UVRAG: variants seen among roughly 807,000 people sequenced by gnomAD.
UVRAG encodes UV radiation resistance-associated gene protein.
Under a neutral mutation model 78.0 loss-of-function variants are expected in UVRAG, and 19 were observed. The ratio of observed to expected loss-of-function variants is 0.24; its 90% CI spans 0.17 to 0.36. The LOEUF is 0.36. Among genes scored for constraint, UVRAG ranks in the 10% least tolerant of loss-of-function variants. The pLI is 1.00. For synonymous variants in UVRAG, 323 were observed against 324.6 expected, an observed-to-expected ratio of 1.00 and a Z score of 0.05; for missense variants, 740 against 853.8, an observed-to-expected ratio of 0.87 and a Z score of 1.66.
intron 11 of UVRAG, among the ~76,000 whole-genome samples, chr11:76,009,196 G>A (rs7111495): frequency 0.093 from 14,070 of 152,068 alleles, 1,455 homozygotes; most frequent in African/African-American, 0.26. Flanking sequence ...GTATGGTTGG[G>A]AGCAGAGGAA....
intron 3 of UVRAG, among the ~76,000 whole-genome samples, chr11:75,878,102 G>C (rs1946846536): frequency 6.6e-6 from 1 of 150,440 alleles, no homozygotes; most frequent in Non-Finnish European, 1.5e-5. Context: ...TCACTTCTCA[G>C]ATGGGGCGGT....
intron 3 of UVRAG, among the ~76,000 whole-genome samples, chr11:75,865,618 C>CTT (rs1255366200): frequency 2.8e-5 from 4 of 144,238 alleles, no homozygotes; most frequent in African/African-American, 5.1e-5. Context: ...GAAAAGCTTT[C>CTT]TTTTTTTTTT....
chr11:75,975,166 A>G (rs1038078941), intron 7 of UVRAG, among the ~76,000 whole-genome samples: 1 of 152,190 alleles, frequency 6.6e-6, no homozygotes, highest in African/African-American at 2.4e-5. Context: ...GTCAAAGATC[A>G]GATGGTTGTA....
chr11:75,920,007 G>GGT (rs1947940239), intron 6 of UVRAG, among the ~76,000 whole-genome samples: 1 of 72,730 alleles, frequency 1.4e-5, no homozygotes, highest in Non-Finnish European at 2.9e-5. Flanking sequence ...AAATAATTTT[G>GGT]GTTTTTTTTT....
intron 7 of UVRAG, among the ~76,000 whole-genome samples, chr11:75,971,332 G>A (rs758029235): frequency 4.6e-5 from 7 of 152,158 alleles, no homozygotes; most frequent in Non-Finnish European, 8.8e-5. Context: ...TTGTGTAAAC[G>A]TAAGTTTTCA....
At chr11:76,092,779 G>A (rs889357541) in intron 13 of UVRAG, among the ~76,000 whole-genome samples, 1 of 152,110 alleles carries the variant, frequency 6.6e-6, no homozygotes, top group Non-Finnish European at 1.5e-5. Context: ...CTCCCATTCT[G>A]TAGGTCACCT....
At chr11:76,004,998 A>T (rs778466513) in intron 9 of UVRAG, among the ~76,000 whole-genome samples, 1 of 151,982 alleles carries the variant, frequency 6.6e-6, no homozygotes, top group Admixed American at 6.6e-5. Context: ...TTCCTGGAAA[A>T]TCCATCCATC....
intron 13 of UVRAG, among the ~76,000 whole-genome samples, chr11:76,098,484 A>G (rs564654769): frequency 6.6e-6 from 1 of 152,276 alleles, no homozygotes; most frequent in African/African-American, 2.4e-5. Context: ...CTCCTGTACC[A>G]TCTCATATAT....
At chr11:75,997,987 A>G (rs1263733606) in intron 8 of UVRAG, among the ~76,000 whole-genome samples, 2 of 152,246 alleles carry the variant, frequency 1.3e-5, no homozygotes. Flanking sequence ...AGAAAGTTGC[A>G]GTAGAACTTA....
At chr11:75,983,278 G>T in intron 7 of UVRAG, 109 bp from the exon 8 acceptor site, 2 of 1,002,168 alleles carry the variant, frequency 2.0e-6, no homozygotes, top group Non-Finnish European at 2.8e-6. Context: ...AGTTTGATGA[G>T]TATTAAAATG....
At chr11:76,024,761 C>T (rs1198607834) in intron 12 of UVRAG, among the ~76,000 whole-genome samples, 1 of 152,086 alleles carries the variant, frequency 6.6e-6, no homozygotes, top group Admixed American at 6.6e-5. Flanking sequence ...AGTGATTATG[C>T]TTATGCCTCA....
intron 12 of UVRAG, among the ~76,000 whole-genome samples, chr11:76,021,808 C>A (rs766292335): frequency 3.3e-5 from 5 of 152,212 alleles, no homozygotes; most frequent in Non-Finnish European, 5.9e-5. Context: ...AATCCCAGCA[C>A]TCTGGGAGGC....
At chr11:75,820,644 C>T (rs11236538) in intron 1 of UVRAG, among the ~76,000 whole-genome samples, 14,765 of 152,172 alleles carry the variant, frequency 0.097, 754 homozygotes, top group East Asian at 0.23. Context: ...CATGAGCCAC[C>T]GCACCCGGCC....
Position 75,943,158 on chromosome 11 carries a change from T to G in UVRAG, c.594-18286T>G, listed in dbSNP as rs1002362524. On this transcript the variant is annotated intron_variant, in intron 6 of 14. Coordinates refer to ENST00000356136, the MANE Select transcript of UVRAG (RefSeq NM_003369.4). ...ACAAATATTTATACTATAGCACCTA[T>G]AAAATCATCATGGCCTACACCCTCC... Among the ~76,000 whole-genome samples, 112 of 152,260 alleles carry G rather than the reference T, an allele frequency of 7.4e-4. 1 individual carries two copies. Among genetic ancestry groups the G allele is most frequent in the African/African-American group, 2.6e-3 (109 of 41,548 alleles).
intron 1 of UVRAG, among the ~76,000 whole-genome samples, chr11:75,817,776 G>T (rs1945289426): frequency 1.3e-5 from 2 of 151,914 alleles, no homozygotes; most frequent in Admixed American, 1.3e-4. Context: ...GGGCGCAGTG[G>T]CTCACACCTG....
chr11:75,842,586 C>T (rs1590923523), intron 1 of UVRAG, among the ~76,000 whole-genome samples: 2 of 151,950 alleles, frequency 1.3e-5, no homozygotes, highest in Non-Finnish European at 2.9e-5. Flanking sequence ...GGATTACAGG[C>T]GCCCGCCATC....
intron 6 of UVRAG, among the ~76,000 whole-genome samples, chr11:75,955,924 G>A (rs1297681191): frequency 2.6e-5 from 4 of 152,126 alleles, no homozygotes; most frequent in Admixed American, 6.5e-5. Context: ...CATCACCTCA[G>A]ATAGTTCCTT....
intron 13 of UVRAG, among the ~76,000 whole-genome samples, chr11:76,104,445 AG>A (rs1951935623): frequency 6.6e-6 from 1 of 152,184 alleles, no homozygotes; most frequent in African/African-American, 2.4e-5. Flanking sequence ...ATAGTGTTGT[AG>A]TGAGGACTTA....
chr11:76,065,079 C>G (rs1202820375), intron 12 of UVRAG, among the ~76,000 whole-genome samples: 1 of 152,154 alleles, frequency 6.6e-6, no homozygotes, highest in East Asian at 1.9e-4. Context: ...TTATGAAGAT[C>G]CAGATCTCAT....
Sources: allele counts gnomAD v4.1 joint callset (sites outside exome capture counted in the v4.1 genomes callset), GRCh38; gene constraint gnomAD v4.1.1; transcripts MANE v1.5; gene names NCBI Gene and HGNC (gene_info 2026-07-23, HGNC 2026-07-21).